PTGES3: variants seen among roughly 807,000 people sequenced by gnomAD.
PTGES3 encodes prostaglandin E synthase 3, also known as Hsp90 co-chaperone.
A neutral mutation model predicts 29.9 loss-of-function variants in PTGES3; 5 were observed. That is an observed-to-expected ratio of 0.17 (90% CI 0.09 to 0.35). The LOEUF (loss-of-function observed/expected upper bound fraction) is 0.35. Among genes scored for constraint, PTGES3 ranks in the 10% least tolerant of loss-of-function variants. The pLI is 1.00. For synonymous variants in PTGES3, 49 were observed against 57.8 expected (o/e 0.85, Z 0.69); for missense variants, 128 against 190.0 (o/e 0.67, Z 1.92).
At position 56,687,380 on chromosome 12, in the gene PTGES3, T is replaced by G. The variant is rs903955507; in HGVS notation, c.2+618A>C. On this transcript the variant is annotated intron_variant, in intron 1 of 7. Transcript: ENST00000262033. ...TGAGTTTTGGCAACCTCCCGTGTTTTCAAGAGACTGGAGTTAGGAGGCGGA... is the reference window on the plus strand; with the variant it reads ...TGAGTTTTGGCAACCTCCCGTGTTTGCAAGAGACTGGAGTTAGGAGGCGGA... The G allele has an allele frequency of 4.1e-6, 4 of 987,514 alleles. No homozygotes were observed. In the African/African-American group the frequency reaches 7.0e-5, roughly 17 times the overall value. 61.2% of individuals were successfully genotyped at this position (987,514 alleles called of 1,614,324 possible).
chr12:56,682,543 G>A (rs1343069925), intron 1 of PTGES3, among the ~76,000 whole-genome samples: 2 of 151,908 alleles, frequency 1.3e-5, no homozygotes, highest in African/African-American at 4.8e-5. Context: ...GCAAAGTAGT[G>A]AGACAGTGTC....
At chr12:56,683,368 G>A (rs1952646159) in intron 1 of PTGES3, among the ~76,000 whole-genome samples, 1 of 150,710 alleles carries the variant, frequency 6.6e-6, no homozygotes, top group Non-Finnish European at 1.5e-5. Context: ...AGCTACCCGG[G>A]AGGCTGAGGC....
Position 56,664,321 on chromosome 12 carries a change from T to A in PTGES3, c.*158A>T, listed in dbSNP as rs574532376. 9.1e-6 allele frequency: 7 copies of A among 766,624 alleles called. No homozygotes were observed. The highest frequency in any genetic ancestry group is 6.7e-5 in the South Asian group (4 of 59,964). The allele number at this position is 766,624 out of a possible 1,614,324, so 47.5% of individuals were successfully genotyped here. ...TACAATGGTACATATCAACCCTTAG[T>A]GAAGCCTTTTAAAAAACAAACAGGT... On this transcript the variant is annotated 3_prime_UTR_variant, in exon 8 of 8. Transcript: ENST00000262033.
chr12:56,672,958 G>T lies in PTGES3; in HGVS notation c.110C>A (p.Thr37Lys), dbSNP rs190236994. The T allele has an allele frequency of 4.4e-6, 7 of 1,600,040 alleles. No individual in the cohort carries two copies. Among genetic ancestry groups the T allele is most frequent in the Admixed American group, 1.8e-5 (1 of 56,548 alleles). Residue 37 changes from threonine to lysine, a missense_variant, in exon 2 of 8, where the codon ACA becomes AAA. Thr to Lys is a moderately conservative substitution (Grantham distance 78). Coordinates refer to ENST00000262033, the MANE Select transcript of PTGES3 (RefSeq NM_006601.7). ...VNVNFEKSKL[T>K]FSCLGGSDNF... Reference sequence around the variant, plus strand: ...GATAAAAAGCTTAACTTACCTGAATGTAAGTTTGGATTTTTCAAAATTTAC... The same window carrying T: ...GATAAAAAGCTTAACTTACCTGAATTTAAGTTTGGATTTTTCAAAATTTAC...
At chr12:56,687,747 A>C in intron 1 of PTGES3, 15 of 1,373,390 alleles carry the variant, frequency 1.1e-5, no homozygotes, top group Non-Finnish European at 1.3e-5. Flanking sequence ...AGACAGCCAA[A>C]GGGGTAAAAG....
At chr12:56,677,009 G>A (rs959461414) in intron 1 of PTGES3, among the ~76,000 whole-genome samples, 2 of 151,048 alleles carry the variant, frequency 1.3e-5, no homozygotes, top group African/African-American at 4.9e-5. Flanking sequence ...GCTGAGGTGA[G>A]CAGGTCACCT....
chr12:56,674,870 G>A (rs1952162750), intron 1 of PTGES3, among the ~76,000 whole-genome samples: 1 of 134,158 alleles, frequency 7.5e-6, no homozygotes, highest in Admixed American at 7.8e-5. Flanking sequence ...CAGGCGTGGT[G>A]GTGCATGCCT....
intron 5 of PTGES3, among the ~76,000 whole-genome samples, chr12:56,669,178 T>C (rs1013117547): frequency 6.6e-6 from 1 of 151,310 alleles, no homozygotes; most frequent in African/African-American, 2.4e-5. Context: ...CCTAGCTATT[T>C]TTTTGTAGTT....
intron 1 of PTGES3, among the ~76,000 whole-genome samples, chr12:56,681,400 A>C (rs1488168403): frequency 6.6e-6 from 1 of 151,630 alleles, no homozygotes; most frequent in Non-Finnish European, 1.5e-5. Flanking sequence ...TAGCCGGATG[A>C]GGTGGCGGGA....
chr12:56,674,825 CAAAAAA>C (rs869222252), intron 1 of PTGES3, among the ~76,000 whole-genome samples: 504 of 16,070 alleles, frequency 0.031, 3 homozygotes, highest in Admixed American at 0.062. Context: ...GACTCCATCT[CAAAAAA>C]AAAAAAAAAA....
intron 1 of PTGES3, among the ~76,000 whole-genome samples, chr12:56,675,061 G>A (rs1459873567): frequency 1.3e-5 from 2 of 148,192 alleles, no homozygotes; most frequent in African/African-American, 5.0e-5. Context: ...CAGCACTTTG[G>A]GAGGCAGAGG....
chr12:56,686,637 A>C (rs990386956), intron 1 of PTGES3, among the ~76,000 whole-genome samples: 2 of 151,946 alleles, frequency 1.3e-5, no homozygotes, highest in African/African-American at 4.8e-5. Flanking sequence ...TCGGCCTCTC[A>C]GAGTGCTGGG....
chr12:56,675,090 A>AGGAG (rs1280287079), intron 1 of PTGES3, among the ~76,000 whole-genome samples: 2 of 150,620 alleles, frequency 1.3e-5, no homozygotes, highest in Non-Finnish European at 3.0e-5. Context: ...TCACGAGGTC[A>AGGAG]GGAGTTCGAG....
chr12:56,672,926 A>G (rs1952063927), intron 2 of PTGES3, 26 bp downstream of exon 2: 4 of 1,577,920 alleles, frequency 2.5e-6, no homozygotes, highest in African/African-American at 1.4e-5. Context: ...ACTATTTTAC[A>G]TCATTGGATA....
At chr12:56,685,845 C>T (rs1952819350) in intron 1 of PTGES3, among the ~76,000 whole-genome samples, 1 of 139,138 alleles carries the variant, frequency 7.2e-6, no homozygotes, top group African/African-American at 2.7e-5. Flanking sequence ...GGCGCAATCT[C>T]TGCTCACTGA....
At chr12:56,675,664 A>G (rs935998270) in intron 1 of PTGES3, among the ~76,000 whole-genome samples, 3 of 152,118 alleles carry the variant, frequency 2.0e-5, no homozygotes, top group Non-Finnish European at 4.4e-5. Context: ...TCACGCCTGT[A>G]ATCTCCAGCA....
intron 5 of PTGES3, among the ~76,000 whole-genome samples, chr12:56,669,710 C>T (rs983713693): frequency 2.0e-5 from 3 of 152,148 alleles, no homozygotes; most frequent in Non-Finnish European, 4.4e-5. Context: ...CTCCAGCGTT[C>T]AAGCAATTCC....
At chr12:56,686,750 T>A (rs995219878) in intron 1 of PTGES3, 2 of 396,942 alleles carry the variant, frequency 5.0e-6, no homozygotes, top group African/African-American at 4.1e-5. Context: ...TCTAACATGC[T>A]GTGCTCTAGA....
intron 1 of PTGES3, among the ~76,000 whole-genome samples, chr12:56,675,237 T>C (rs1377968383): frequency 2.0e-5 from 3 of 151,266 alleles, no homozygotes; most frequent in Admixed American, 6.6e-5. Context: ...GAGGTAGAGG[T>C]TGCAGCGAGC....
Sources: gnomAD v4.1 joint callset for allele counts (sites outside exome capture counted in the v4.1 genomes callset) on GRCh38, gnomAD v4.1.1 for gene constraint, MANE v1.5 for transcripts, NCBI Gene and HGNC (gene_info 2026-07-23, HGNC 2026-07-21) for gene names.